The following ASPM variants were observed in gnomAD, a reference collection of about 807,000 sequenced individuals.
ASPM encodes abnormal spindle-like microcephaly-associated protein.
ASPM carries 256 observed loss-of-function variants against 366.4 expected under a neutral mutation model. That is an observed-to-expected ratio of 0.70 (90% CI 0.63 to 0.77). ASPM has a LOEUF of 0.77. Ranked by LOEUF, ASPM falls within the 30% of genes least tolerant of loss-of-function variation. The pLI is 0.00. For synonymous variants in ASPM, 1,414 were observed against 1,342.9 expected (o/e 1.05, Z -1.16); for missense variants, 4,146 against 4,090.4 (o/e 1.01, Z -0.37).
In ASPM at chr1:197,104,318, C is replaced by T. The variant is rs201927596; in HGVS notation, c.4933G>A (p.Gly1645Arg). ...AVIVLQSAYR[G>R]MQARKMYIHI... Reference sequence around the variant, plus strand: ...ATATACATTTTCCTGGCTTGCATCCCTCTATATGCAGACTGCAGCACAATG... The same window carrying T: ...ATATACATTTTCCTGGCTTGCATCCTTCTATATGCAGACTGCAGCACAATG... Residue 1645 changes from glycine (G) to arginine (R), a missense_variant, in exon 18 of 28, where the codon GGG (glycine) becomes AGG (arginine). Coordinates refer to ENST00000367409, the MANE Select transcript of ASPM (RefSeq NM_018136.5). 47 of 1,613,026 alleles carry T rather than the reference C, an allele frequency of 2.9e-5. No homozygotes were observed. The Admixed American group carries it at 5.7e-4, about 20-fold the overall frequency.
chr1:197,094,969 T>C (rs1311745627), intron 19 of ASPM, among the ~76,000 whole-genome samples: 2 of 151,718 alleles, frequency 1.3e-5, no homozygotes, highest in African/African-American at 4.8e-5. Context: ...TTTATGGATA[T>C]ATAATAGTTG....
chr1:197,143,848 G>C, intron 2 of ASPM, 38 bp from the exon 3 acceptor site: 1 of 1,587,222 alleles, frequency 6.3e-7, no homozygotes, highest in South Asian at 1.1e-5. Context: ...TAAGTTTGTA[G>C]CTATTGAATA....
At chr1:197,124,485 T>C (rs1228081295) in intron 12 of ASPM, among the ~76,000 whole-genome samples, 154 bp from the exon 13 acceptor site, 1 of 151,992 alleles carries the variant, frequency 6.6e-6, no homozygotes, top group Non-Finnish European at 1.5e-5. Flanking sequence ...GTGCCTGAAA[T>C]GGATATTTTA....
chr1:197,136,677 C>CA (rs891545708), intron 4 of ASPM, among the ~76,000 whole-genome samples: 6 of 151,254 alleles, frequency 4.0e-5, no homozygotes, highest in Non-Finnish European at 7.4e-5. Context: ...CTTGTCACTA[C>CA]AAAAAAAATC....
intron 27 of ASPM, among the ~76,000 whole-genome samples, chr1:197,084,708 T>C (rs1439123223): frequency 1.3e-5 from 2 of 152,186 alleles, no homozygotes; most frequent in African/African-American, 4.8e-5. Flanking sequence ...TCTTATTCCT[T>C]GTAAACCTGG....
Position 197,086,954 on chromosome 1 carries a change from T to C in ASPM, c.10180A>G (p.Lys3394Glu). 1 of 1,609,584 alleles carries C rather than the reference T, an allele frequency of 6.2e-7. No individual in the cohort carries two copies. Among genetic ancestry groups the C allele is most frequent in the African/African-American group, 1.3e-5 (1 of 74,962 alleles). Reference protein sequence around the residue: ...NRASDVRSRSKVVDRIYSLYK... With the variant: ...NRASDVRSRSEVVDRIYSLYK... ...AGACTGTAAATACGGTCAACAACTT[T>C]GGACCTACTTCGTACATCCTACAAA... Residue 3394 changes from lysine (K) to glutamate (E), a missense_variant, in exon 27 of 28, where the codon AAA becomes GAA. Lys to Glu is a moderately conservative substitution (Grantham distance 56). Around this residue, in one of 3 missense-constraint regions of ASPM, gnomAD observed 3,624 missense variants for 3,591.7 expected, o/e 1.01. Coordinates refer to ENST00000367409, the MANE Select transcript of ASPM (RefSeq NM_018136.5).
Position 197,130,064 on chromosome 1 carries a change from T to C in ASPM, c.2488-8A>G. 1 of 1,613,010 alleles carries C rather than the reference T, an allele frequency of 6.2e-7. No homozygotes were observed. The highest frequency in any genetic ancestry group is 1.1e-5 in the South Asian group (1 of 91,052). ...GAGTTCTCCATAAGTTGTCTGAAAATAAATTAAAGCCAAAGTCAGAATTAT... is the reference window on the plus strand; with the variant it reads ...GAGTTCTCCATAAGTTGTCTGAAAACAAATTAAAGCCAAAGTCAGAATTAT... On this transcript the variant is annotated splice_polypyrimidine_tract_variant and splice_region_variant and intron_variant, in intron 7 of 27. Coordinates refer to ENST00000367409, the MANE Select transcript of ASPM (RefSeq NM_018136.5).
chr1:197,112,503 C>T (rs1299421656), intron 17 of ASPM, among the ~76,000 whole-genome samples: 2 of 151,992 alleles, frequency 1.3e-5, no homozygotes, highest in Non-Finnish European at 2.9e-5. Flanking sequence ...ATATATTGGG[C>T]CCCCCAAATC....
At chr1:197,116,753 C>T (rs571916092) in intron 17 of ASPM, among the ~76,000 whole-genome samples, 11 of 152,178 alleles carry the variant, frequency 7.2e-5, no homozygotes, top group African/African-American at 1.9e-4. Flanking sequence ...AATTAAACCA[C>T]GGCTATACTC....
chr1:197,143,235 T>G lies in ASPM; in HGVS notation c.1017A>C (p.Ser339=). 6.2e-7 allele frequency: 1 copy of G among 1,612,636 alleles called. No individual in the cohort carries two copies. The highest frequency in any genetic ancestry group is 8.5e-7 in the Non-Finnish European group (1 of 1,178,852). Residue 339 remains serine, a synonymous_variant, in exon 3 of 28, where the codon TCA becomes TCC. Transcript: ENST00000367409. ...NNELELVTCL[S]SDMFMKDNSQ... is the part of the protein sequence containing the mutation. ...AATTATCTTTCATAAACATATCTGA[T>G]GAAAGACATGTTACTAATTCTAGTT... is the stretch of plus-strand genomic sequence containing the variant.
chr1:197,133,632 A>G (rs772030576), intron 5 of ASPM, 37 bp from the exon 6 acceptor site: 2 of 1,599,256 alleles, frequency 1.3e-6, no homozygotes, highest in South Asian at 1.1e-5. Flanking sequence ...TTCTGGTTAA[A>G]CAATATCTCT....
At chr1:197,109,053 C>T (rs1161292654) in intron 17 of ASPM, among the ~76,000 whole-genome samples, 2 of 148,446 alleles carry the variant, frequency 1.3e-5, no homozygotes, top group African/African-American at 2.5e-5. Context: ...GATCGCTATA[C>T]AGTATATGTA....
intron 27 of ASPM, among the ~76,000 whole-genome samples, chr1:197,086,539 A>G (rs1558320609): frequency 6.6e-6 from 1 of 152,224 alleles, no homozygotes. Flanking sequence ...GACAAAACTT[A>G]TAACAAGCTT....
rs781266143 is a variant in ASPM, at chr1:197,104,374, A to G, written c.4877T>C (p.Leu1626Pro). ...AGAGCGTGTTTTCTGGTAAGATGCT[A>G]GAACTTTCATGGCAAAAATATAAGC... is the stretch of plus-strand genomic sequence containing the variant. Reference protein sequence around the residue: ...FRAYIFAMKVLASYQKTRSAV... With the variant: ...FRAYIFAMKVPASYQKTRSAV... The change falls in exon 18 of 28, where the codon CTA (leucine) becomes CCA (proline). Residue 1626 changes from leucine to proline, a missense_variant. Physicochemically the swap from Leu to Pro is moderately conservative, Grantham distance 98. Coordinates refer to ENST00000367409, the MANE Select transcript of ASPM (RefSeq NM_018136.5). 4 of 1,613,164 alleles carry G rather than the reference A, an allele frequency of 2.5e-6. No individual in the cohort carries two copies. Among genetic ancestry groups the G allele is most frequent in the Non-Finnish European group, 2.5e-6 (3 of 1,179,436 alleles).
chr1:197,142,898 CAAA>C lies in ASPM; in HGVS notation c.1351_1353del (p.Phe451del), dbSNP rs774814318. 2.0e-5 allele frequency: 33 copies of C among 1,613,648 alleles called. No homozygotes were observed. Among genetic ancestry groups the C allele is most frequent in the Non-Finnish European group, 2.8e-5 (33 of 1,179,754 alleles). The stretch of plus-strand genomic sequence containing the variant: ...TTTGACTTCATTTCTACTAGTTCTT[CAAA>C]AATAGCTTTGGGAGATTTTGAACCC... On this transcript the variant is annotated inframe_deletion, in exon 3 of 28. Transcript: ENST00000367409.
At chr1:197,089,123 GA>G (rs1443796674) in intron 25 of ASPM, among the ~76,000 whole-genome samples, 1 of 151,920 alleles carries the variant, frequency 6.6e-6, no homozygotes, top group Admixed American at 6.6e-5. Context: ...TATAGTTGCA[GA>G]AAGTAAAGTA....
intron 7 of ASPM, among the ~76,000 whole-genome samples, chr1:197,131,621 C>T (rs935050995): frequency 4.0e-5 from 6 of 149,668 alleles, no homozygotes; most frequent in East Asian, 2.0e-4. Context: ...TGCAGTCGTG[C>T]GATCTCGGCT....
rs1422965525 is a variant in ASPM at position 197,104,407 on chromosome 1, T to C, written c.4844A>G (p.His1615Arg). 1.7e-5 allele frequency: 28 copies of C among 1,612,970 alleles called. No homozygotes were observed. Among genetic ancestry groups the C allele is most frequent in the Non-Finnish European group, 2.2e-5 (26 of 1,179,438 alleles). ...CATGGCAAAAATATAAGCTCGGAAA[T>C]GAGTCTGAATTATAACAGCTGCTTT... Reference protein sequence around the residue: ...MKKAAVIIQTHFRAYIFAMKV... With the variant: ...MKKAAVIIQTRFRAYIFAMKV... Residue 1615 changes from histidine to arginine, a missense_variant, in exon 18 of 28, where the codon CAT (histidine) becomes CGT (arginine). This residue lies in a region of ASPM where 3,624 missense variants were observed against 3,591.7 expected (regional missense o/e 1.01). Transcript: ENST00000367409.
At position 197,102,197 on chromosome 1, in the gene ASPM, T is replaced by C. The variant is rs201935727; in HGVS notation, c.7054A>G (p.Met2352Val). Residue 2352 changes from methionine (M) to valine (V), a missense_variant, in exon 18 of 28, where the codon ATG (methionine) becomes GTG (valine). By Grantham distance (21) the Met-to-Val change is conservative. This residue lies in a region of ASPM where 3,624 missense variants were observed against 3,591.7 expected (regional missense o/e 1.01). Coordinates refer to ENST00000367409, the MANE Select transcript of ASPM (RefSeq NM_018136.5). ...GCCTGTTTCAAAGCCTGATATCTCA[T>C]ATGTAATCTGTGCATTCTGAAAGTA... ...QSTFRMHRLH[M>V]RYQALKQASV... The C allele has an allele frequency of 2.7e-5, 43 of 1,612,812 alleles. No individual in the cohort carries two copies. Among genetic ancestry groups the C allele is most frequent in the Middle Eastern group, 1.7e-4 (1 of 6,052 alleles).
Sources: gnomAD v4.1 joint callset for allele counts (sites outside exome capture counted in the v4.1 genomes callset) on GRCh38, gnomAD v4.1.1 for gene constraint, gnomAD v4.1.1 regional missense constraint, MANE v1.5 for transcripts, NCBI Gene and HGNC (gene_info 2026-07-23, HGNC 2026-07-21) for gene names.